MROH1: variants seen among roughly 807,000 people sequenced by gnomAD.
MROH1 encodes the protein maestro heat-like repeat-containing protein family member 1.
In MROH1, 117 loss-of-function variants were observed where a neutral mutation model predicts 116.5. The observed-to-expected ratio is 1.00, with a 90% CI of 0.86 to 1.17. The LOEUF (loss-of-function observed/expected upper bound fraction) is 1.17. Ranked by LOEUF, MROH1 falls within the 50% of genes most tolerant of loss-of-function variation. The pLI, the probability that MROH1 is intolerant of heterozygous loss-of-function variation, is 0.00. For missense variants in MROH1, 1,873 were observed against 1,338.5 expected, an observed-to-expected ratio of 1.40 and a Z score of -6.23; for synonymous variants, 921 against 583.9, an observed-to-expected ratio of 1.58 and a Z score of -8.32.
Position 144,237,767 on chromosome 8 carries a change from T to G in MROH1, c.1339-989T>G, listed in dbSNP as rs1840294746. Among the ~76,000 whole-genome samples, 3 of 152,302 alleles carry G rather than the reference T, an allele frequency of 2.0e-5. No individual in the cohort carries two copies. In the South Asian group the frequency reaches 6.2e-4, roughly 32 times the overall value. On this transcript the variant is annotated intron_variant, in intron 14 of 43. Coordinates refer to ENST00000326134, the MANE Select transcript of MROH1 (RefSeq NM_032450.3). ...TGGGATTTTCCTTGTTCTTGGCTCC[T>G]CATTTCCCCGTTGTGGTTCCTTGTT...
intron 37 of MROH1, among the ~76,000 whole-genome samples, 166 bp from the exon 38 acceptor site, chr8:144,259,745 G>A (rs1211492435): frequency 2.6e-5 from 4 of 152,234 alleles, no homozygotes; most frequent in African/African-American, 7.2e-5. Flanking sequence ...AGGCCCCAGC[G>A]GCACAACAGG....
At chr8:144,222,614 A>C (rs928915168) in intron 13 of MROH1, among the ~76,000 whole-genome samples, 6 of 151,484 alleles carry the variant, frequency 4.0e-5, no homozygotes, top group Admixed American at 1.3e-4. Context: ...AATTATAGGT[A>C]TGGGTGTTGG....
Position 144,239,695 on chromosome 8 carries a change from C to G in MROH1, c.1714C>G (p.His572Asp). The change falls in exon 18 of 44, where the codon CAC (histidine) becomes GAC (aspartate). Residue 572 changes from histidine to aspartate, a missense_variant. Coordinates refer to ENST00000326134, the MANE Select transcript of MROH1 (RefSeq NM_032450.3). ...RLLSVLHPNI[H>D]PLLGQHWETT... is the part of the protein sequence containing the mutation. ...CCTCAGTGTTCTGCACCCAAACATT[C>G]ACCCTTTGCTGGGTCAGCATTGGGA... The G allele has an allele frequency of 1.3e-6, 1 of 741,086 alleles. No homozygotes were observed. Among genetic ancestry groups the G allele is most frequent in the Middle Eastern group, 2.3e-4 (1 of 4,386 alleles). 45.9% of individuals were successfully genotyped at this position (741,086 alleles called of 1,614,324 possible). A position where few individuals can be genotyped will look rare whatever the true frequency, so the allele number is the denominator to read the frequency against.
chr8:144,253,838 G>C (rs1843236638), intron 33 of MROH1, among the ~76,000 whole-genome samples: 1 of 151,950 alleles, frequency 6.6e-6, no homozygotes, highest in Non-Finnish European at 1.5e-5. Flanking sequence ...ACTGTTTCTG[G>C]CTTCTGTCGT....
chr8:144,149,183 T>C (rs1816141941), intron 1 of MROH1, among the ~76,000 whole-genome samples: 1 of 151,896 alleles, frequency 6.6e-6, no homozygotes, highest in East Asian at 1.9e-4. Flanking sequence ...GTTTCATAGG[T>C]GGTACGTGTT....
intron 2 of MROH1, among the ~76,000 whole-genome samples, chr8:144,161,844 C>T (rs1246508098): frequency 6.6e-6 from 1 of 152,198 alleles, no homozygotes; most frequent in Non-Finnish European, 1.5e-5. Context: ...ACCCGCAGGG[C>T]ACAGCCTCTG....
rs901415576 is a variant in MROH1, at chr8:144,258,816, C to A, written c.3831C>A (p.Ser1277Arg). The change falls in exon 36 of 44, where the codon AGC becomes AGA. Residue 1277 changes from serine to arginine, a missense_variant. Physicochemically the swap from Ser to Arg is moderately radical, Grantham distance 110. Transcript: ENST00000326134. ...CCCTGCGGTCCATGCTACTCCGCAG[C>A]GGCAGCGAGGATGTGGTACAGCGCA... ...VDTLRSMLLR[S>R]GSEDVVQRMD... 2.6e-6 allele frequency: 2 copies of A among 769,142 alleles called. No homozygotes were observed. Among genetic ancestry groups the A allele is most frequent in the African/African-American group, 1.7e-5 (1 of 58,944 alleles). 47.6% of individuals were successfully genotyped at this position (769,142 alleles called of 1,614,324 possible). A position where few individuals can be genotyped will look rare whatever the true frequency, so the allele number is the denominator to read the frequency against.
intron 10 of MROH1, among the ~76,000 whole-genome samples, chr8:144,194,907 CGAA>C (rs1361142976): frequency 6.8e-6 from 1 of 146,814 alleles, no homozygotes; most frequent in African/African-American, 2.5e-5. Flanking sequence ...GACCTTGTCT[CGAA>C]AAAGAAAAAA....
In MROH1 at chr8:144,168,389, G is replaced by A. The variant is rs780393475; in HGVS notation, c.117G>A (p.Arg39=). ...CCCTGTGCTCCCTCGGGGAGGCGCGGCCGGTGGAGACGCTCCGTGCCTGCG... is the reference window on the plus strand; with the variant it reads ...CCCTGTGCTCCCTCGGGGAGGCGCGACCGGTGGAGACGCTCCGTGCCTGCG... ...CSALCSLGEA[R]PVETLRACEE... Residue 39 remains arginine (R), a synonymous_variant, in exon 4 of 44, where the codon CGG becomes CGA. Transcript: ENST00000326134. The A allele has an allele frequency of 1.6e-5, 25 of 1,611,624 alleles. No individual in the cohort carries two copies. Among genetic ancestry groups the A allele is most frequent in the Non-Finnish European group, 2.1e-5 (25 of 1,179,608 alleles).
intron 7 of MROH1, among the ~76,000 whole-genome samples, chr8:144,181,173 C>G (rs188625811): frequency 7.9e-5 from 12 of 151,538 alleles, no homozygotes; most frequent in African/African-American, 2.7e-4. Flanking sequence ...GGTAGCTGGC[C>G]GGGAGGAGAA....
At chr8:144,204,065 A>G (rs1832301951) in intron 12 of MROH1, among the ~76,000 whole-genome samples, 1 of 152,228 alleles carries the variant, frequency 6.6e-6, no homozygotes, top group South Asian at 2.1e-4. Context: ...TTCACTTGCT[A>G]GTATATCTTA....
chr8:144,223,154 G>C lies in MROH1; in HGVS notation c.1262G>C (p.Gly421Ala), dbSNP rs376682795. 1 of 1,612,936 alleles carries C rather than the reference G, an allele frequency of 6.2e-7. No individual in the cohort carries two copies. The highest frequency in any genetic ancestry group is 1.3e-5 in the African/African-American group (1 of 74,978). ...VQVISAMAHH[G>A]YLEQPGGEAM... ...GTGATTAGCGCCATGGCCCACCACG[G>C]CTACCTGGAGCAGCCTGGAGGTGAG... The change falls in exon 14 of 44, where the codon GGC (glycine) becomes GCC (alanine). Residue 421 changes from glycine to alanine, a missense_variant. Transcript: ENST00000326134.
chr8:144,151,968 C>T (rs951610106), intron 1 of MROH1, among the ~76,000 whole-genome samples: 27 of 152,320 alleles, frequency 1.8e-4, no homozygotes, highest in African/African-American at 5.8e-4. Context: ...ATATGTCTGC[C>T]GGCGATCTCT....
intron 7 of MROH1, among the ~76,000 whole-genome samples, chr8:144,185,228 T>C (rs1322850636): frequency 6.6e-6 from 1 of 152,164 alleles, no homozygotes; most frequent in Non-Finnish European, 1.5e-5. Context: ...CTGTGGTTTC[T>C]GCAGGGTGGG....
At chr8:144,223,628 T>C (rs1164115600) in intron 14 of MROH1, among the ~76,000 whole-genome samples, 1 of 152,144 alleles carries the variant, frequency 6.6e-6, no homozygotes, top group African/African-American at 2.4e-5. Flanking sequence ...TTTGTCCTAT[T>C]TGGGGCTTTT....
chr8:144,223,117 G>T lies in MROH1; in HGVS notation c.1225G>T (p.Ala409Ser). The T allele has an allele frequency of 1.9e-6, 3 of 1,613,322 alleles. No homozygotes were observed. Among genetic ancestry groups the T allele is most frequent in the Non-Finnish European group, 2.5e-6 (3 of 1,179,664 alleles). The change falls in exon 14 of 44, where the codon GCA becomes TCA. Residue 409 changes from alanine (A) to serine (S), a missense_variant. Ala to Ser is a moderately conservative substitution (Grantham distance 99, BLOSUM62 1). Transcript: ENST00000326134. ...LLDTNSKVKR[A>S]VVQVISAMAH... ...TTTGTTCTCTGGGCAGGTGAAGCGG[G>T]CAGTGGTGCAGGTGATTAGCGCCAT...
At position 144,244,499 on chromosome 8, in the gene MROH1, A is replaced by G; in HGVS notation, c.2726A>G (p.Gln909Arg). ...GAGGATCTGCTGACGAGCCTCCTGC[A>G]GCGGAACATGACCCCCCAAGGCCTG... ...ALEDLLTSLL[Q>R]RNMTPQGLQI... Residue 909 changes from glutamine to arginine, a missense_variant, in exon 28 of 44, where the codon CAG (glutamine) becomes CGG (arginine). By Grantham distance (43) the Gln-to-Arg change is conservative (BLOSUM62 1). Coordinates refer to ENST00000326134, the MANE Select transcript of MROH1 (RefSeq NM_032450.3). The G allele has an allele frequency of 1.3e-6, 1 of 774,324 alleles. No individual in the cohort carries two copies. The allele number at this position is 774,324 out of a possible 1,614,324, so 48.0% of individuals were successfully genotyped here.
chr8:144,173,461 G>T (rs1271203711), intron 4 of MROH1, among the ~76,000 whole-genome samples: 1 of 148,034 alleles, frequency 6.8e-6, no homozygotes, highest in Non-Finnish European at 1.5e-5. Context: ...TCTCACTCTT[G>T]CCCAGGCTGG....
chr8:144,192,636 G>A (rs774285470), intron 10 of MROH1: 2 of 685,534 alleles, frequency 2.9e-6, no homozygotes, highest in South Asian at 1.5e-5. Flanking sequence ...GAGGTGGCAG[G>A]AGTGGGTGCC....
Sources: allele counts gnomAD v4.1 joint callset (sites outside exome capture counted in the v4.1 genomes callset), GRCh38; gene constraint gnomAD v4.1.1; transcripts MANE v1.5; gene names NCBI Gene and HGNC (gene_info 2026-07-23, HGNC 2026-07-21).